Variants in KLF12 observed in about 807,000 individuals in gnomAD.
KLF12 encodes KLF transcription factor 12, also known as Krueppel-like factor 12.
In KLF12, 9 loss-of-function variants were observed where a neutral mutation model predicts 37.8. The observed-to-expected ratio is 0.24, with a 90% CI of 0.14 to 0.42. The LOEUF is 0.42. Among genes scored for constraint, KLF12 ranks in the 10% least tolerant of loss-of-function variants. KLF12 has a pLI of 1.00. For missense variants in KLF12, 411 were observed against 516.0 expected, an observed-to-expected ratio of 0.80 and a Z score of 1.97; for synonymous variants, 208 against 202.1, an observed-to-expected ratio of 1.03 and a Z score of -0.25.
intron 3 of KLF12, among the ~76,000 whole-genome samples, chr13:73,924,841 T>C (rs1889298732): frequency 6.6e-6 from 1 of 152,130 alleles, no homozygotes; most frequent in African/African-American, 2.4e-5. Context: ...AATATACAAA[T>C]AAGAAAGTGA....
chr13:74,169,927 C>T, the KLF12 span, among the ~76,000 whole-genome samples: 3 of 152,288 alleles, frequency 2.0e-5, no homozygotes, highest in East Asian at 1.9e-4. Context: ...TCAACAGCTG[C>T]ACATTTTTCA....
chr13:73,931,528 A>C (rs1428585571), intron 3 of KLF12, among the ~76,000 whole-genome samples: 1 of 152,168 alleles, frequency 6.6e-6, no homozygotes, highest in Admixed American at 6.5e-5. Flanking sequence ...GAGAAGAGCA[A>C]ATTTAGCATA....
At position 74,037,439 on chromosome 13, in the gene KLF12, C is replaced by T. The variant is rs1365534269; in HGVS notation, c.-31-42386G>A. Among the ~76,000 whole-genome samples, 3 of 152,226 alleles carry T rather than the reference C, an allele frequency of 2.0e-5. No homozygotes were observed. The East Asian group carries it at 5.8e-4, about 29-fold the overall frequency. ...TGCCTACCACATGCATCCATCTTTACAACCTCAATTATGCACAAGACATCC... is the reference window on the plus strand; with the variant it reads ...TGCCTACCACATGCATCCATCTTTATAACCTCAATTATGCACAAGACATCC... On this transcript the variant is annotated intron_variant, in intron 1 of 7. Transcript: ENST00000377669.
At chr13:73,911,685 A>G (rs1214522761) in intron 3 of KLF12, among the ~76,000 whole-genome samples, 1 of 152,248 alleles carries the variant, frequency 6.6e-6, no homozygotes, top group Non-Finnish European at 1.5e-5. Context: ...ATTTTTGAAG[A>G]GTACCTAGAA....
chr13:73,981,447 C>T (rs1891685677), intron 2 of KLF12, among the ~76,000 whole-genome samples: 1 of 152,096 alleles, frequency 6.6e-6, no homozygotes, highest in African/African-American at 2.4e-5. Flanking sequence ...AATAATCTTA[C>T]CTATACGCAT....
intron 1 of KLF12, among the ~76,000 whole-genome samples, chr13:74,069,033 G>GACTT (rs1874075983): frequency 6.6e-6 from 1 of 152,182 alleles, no homozygotes; most frequent in Non-Finnish European, 1.5e-5. Context: ...ATACAAAAGA[G>GACTT]ACTAAGGTTT....
At chr13:73,811,919 G>A (rs1882960483) in intron 5 of KLF12, among the ~76,000 whole-genome samples, 1 of 152,036 alleles carries the variant, frequency 6.6e-6, no homozygotes, top group East Asian at 1.9e-4. Context: ...GCAATACCAA[G>A]GCTCTCTTTT....
At chr13:74,170,065 A>C in the KLF12 span, among the ~76,000 whole-genome samples, 6 of 152,146 alleles carry the variant, frequency 3.9e-5, no homozygotes, top group Admixed American at 3.9e-4. Flanking sequence ...ATAATTTTTT[A>C]ACATCCACAT....
intron 1 of KLF12, among the ~76,000 whole-genome samples, chr13:74,096,120 T>C (rs1875971050): frequency 6.6e-6 from 1 of 152,216 alleles, no homozygotes; most frequent in African/African-American, 2.4e-5. Context: ...ATAGGCTCTT[T>C]CTGAAGATTC....
At chr13:73,873,911 G>A (rs1886586872) in intron 3 of KLF12, among the ~76,000 whole-genome samples, 1 of 151,990 alleles carries the variant, frequency 6.6e-6, no homozygotes, top group African/African-American at 2.4e-5. Flanking sequence ...AATTTAAATA[G>A]TAAACATATG....
chr13:73,772,626 G>C (rs1470823817), intron 5 of KLF12, among the ~76,000 whole-genome samples: 1 of 152,192 alleles, frequency 6.6e-6, no homozygotes, highest in Non-Finnish European at 1.5e-5. Flanking sequence ...AAGGTTTAGC[G>C]AGCCTGGAGG....
intron 5 of KLF12, chr13:73,800,726 T>C (rs1181926148): frequency 2.0e-5 from 3 of 152,098 alleles, no homozygotes; most frequent in African/African-American, 7.2e-5. Context: ...AGCATTAAAA[T>C]AATGCATCCA....
chr13:74,140,947 TCGGGGGG>T, the KLF12 span, among the ~76,000 whole-genome samples: 5 of 6,592 alleles, frequency 7.6e-4, no homozygotes, highest in Admixed American at 0.014. Flanking sequence ...TCCCAGCTAC[TCGGGGGG>T]TGGGGGGTGC....
chr13:73,800,571 G>C (rs908623131), intron 5 of KLF12: 2 of 151,956 alleles, frequency 1.3e-5, no homozygotes, highest in Admixed American at 6.6e-5. Context: ...CTGATGTTGG[G>C]CTTAGTCATG....
At position 74,066,296 on chromosome 13, in the gene KLF12, CTT is replaced by C. The variant is rs917599769; in HGVS notation, c.-32+67441_-32+67442del. Among the ~76,000 whole-genome samples, 72 of 152,192 alleles carry C rather than the reference CTT, an allele frequency of 4.7e-4. 1 individual carries two copies. Among genetic ancestry groups the C allele is most frequent in the African/African-American group, 1.7e-3 (70 of 41,438 alleles). The stretch of plus-strand genomic sequence containing the variant: ...CTACTTGCTCTAAAAGTCCAGCACA[CTT>C]TTCTTTATCCATAGTTTTTCTTCAT... On this transcript the variant is annotated intron_variant, in intron 1 of 7. Coordinates refer to ENST00000377669, the MANE Select transcript of KLF12 (RefSeq NM_007249.5).
At chr13:73,904,837 T>C (rs1275345239) in intron 3 of KLF12, among the ~76,000 whole-genome samples, 2 of 151,992 alleles carry the variant, frequency 1.3e-5, no homozygotes, top group Non-Finnish European at 1.5e-5. Context: ...ATAATGGTGG[T>C]TTCCTAGTAA....
intron 4 of KLF12, among the ~76,000 whole-genome samples, chr13:73,815,469 T>C (rs1204011934): frequency 6.6e-6 from 1 of 152,214 alleles, no homozygotes; most frequent in Non-Finnish European, 1.5e-5. Flanking sequence ...AATGACTTTG[T>C]GTAATAATAT....
At chr13:73,716,748 T>C (rs1951873481) in intron 6 of KLF12, among the ~76,000 whole-genome samples, 1 of 149,124 alleles carries the variant, frequency 6.7e-6, no homozygotes, top group South Asian at 2.1e-4. Flanking sequence ...GTTTTATTCC[T>C]TTTTTTAATT....
At chr13:74,025,198 G>A (rs138530145) in intron 1 of KLF12, among the ~76,000 whole-genome samples, 2 of 152,114 alleles carry the variant, frequency 1.3e-5, no homozygotes, top group African/African-American at 4.8e-5. Context: ...TGCTTACTTT[G>A]TTTGACAGCT....
Sources: gnomAD v4.1 joint callset for allele counts (sites outside exome capture counted in the v4.1 genomes callset) on GRCh38, gnomAD v4.1.1 for gene constraint, MANE v1.5 for transcripts, NCBI Gene and HGNC (gene_info 2026-07-23, HGNC 2026-07-21) for gene names.